Variants in ACSL1 observed in about 807,000 individuals in gnomAD.
ACSL1 encodes the protein acyl-CoA synthetase long chain family member 1.
A neutral mutation model predicts 98.4 loss-of-function variants in ACSL1; 41 were observed. That is an observed-to-expected ratio of 0.42 (90% confidence interval 0.32 to 0.54). The LOEUF is 0.54. ACSL1 is among the 20% of genes least tolerant of loss of function. The pLI, the probability that ACSL1 is intolerant of heterozygous loss-of-function variation, is 0.13. For synonymous variants in ACSL1, 316 were observed against 322.7 expected, an observed-to-expected ratio of 0.98 and a Z score of 0.22; for missense variants, 734 against 883.1, an observed-to-expected ratio of 0.83 and a Z score of 2.14.
At position 184,776,539 on chromosome 4, in the gene ACSL1, A is replaced by T; in HGVS notation, c.701T>A (p.Leu234Gln). ...IVVMDAYGSE[L>Q]VERGQRCGVE... ...CCCACACCTCTGGCCTCGTTCCACCAGTTCACTGCCGTAGGCATCCATGAC... is the reference window on the plus strand; with the variant it reads ...CCCACACCTCTGGCCTCGTTCCACCTGTTCACTGCCGTAGGCATCCATGAC... The change falls in exon 7 of 21, where the codon CTG (leucine) becomes CAG (glutamine). Residue 234 changes from leucine to glutamine, a missense_variant. Leu to Gln is a moderately radical substitution (Grantham distance 113). Coordinates refer to ENST00000281455, the MANE Select transcript of ACSL1 (RefSeq NM_001995.5). 6.2e-7 allele frequency: 1 copy of T among 1,614,196 alleles called. No homozygotes were observed. The highest frequency in any genetic ancestry group is 8.5e-7 in the Non-Finnish European group (1 of 1,179,996).
intron 1 of ACSL1, among the ~76,000 whole-genome samples, chr4:184,811,327 T>C (rs541134268): frequency 2.5e-4 from 38 of 152,138 alleles, no homozygotes; most frequent in African/African-American, 7.2e-4. Flanking sequence ...TTGGCCAGGA[T>C]GGTCTCGATC....
rs759947954 is a variant in ACSL1 at position 184,783,971 on chromosome 4, A to T, written c.331T>A (p.Ser111Thr). The T allele has an allele frequency of 1.2e-6, 2 of 1,613,894 alleles. No individual in the cohort carries two copies. Among genetic ancestry groups the T allele is most frequent in the Non-Finnish European group, 1.7e-6 (2 of 1,179,840 alleles). Residue 111 changes from serine (S) to threonine (T), a missense_variant, in exon 4 of 21, where the codon TCT becomes ACT. Coordinates refer to ENST00000281455, the MANE Select transcript of ACSL1 (RefSeq NM_001995.5). ...TCATAGGGTTGGTCTGGTTTCCGAG[A>T]GCCTAAACAAGGGCCATTATCTAAA... ...QVSNNGPCLGSRKPDQPYEWL... is the reference protein window; with the variant it reads ...QVSNNGPCLGTRKPDQPYEWL...
intron 18 of ACSL1, chr4:184,758,206 A>T (rs1762374794): frequency 3.0e-6 from 1 of 328,644 alleles, no homozygotes; most frequent in Non-Finnish European, 5.6e-6. Context: ...TTATATACTT[A>T]TTTTTTTAAA....
intron 11 of ACSL1, among the ~76,000 whole-genome samples, chr4:184,769,014 G>A (rs1234374976): frequency 6.6e-6 from 1 of 151,748 alleles, no homozygotes; most frequent in Admixed American, 6.6e-5. Flanking sequence ...GATTGCAGTG[G>A]GCTGAGATTG....
intron 11 of ACSL1, among the ~76,000 whole-genome samples, chr4:184,769,068 C>G (rs1185241779): frequency 5.9e-5 from 1 of 17,094 alleles, no homozygotes; most frequent in Non-Finnish European, 1.2e-4. Context: ...GACTCTGTCT[C>G]AAATATATAT....
intron 4 of ACSL1, among the ~76,000 whole-genome samples, chr4:184,781,018 CACTT>C (rs79235784): frequency 0.26 from 39,593 of 151,716 alleles, 5,310 homozygotes; most frequent in Middle Eastern, 0.35. Flanking sequence ...GCAGGCAGAT[CACTT>C]GAGGGAGTTC....
At chr4:184,815,218 G>C (rs912420443) in intron 1 of ACSL1, 6 of 399,556 alleles carry the variant, frequency 1.5e-5, no homozygotes, top group South Asian at 3.5e-5. Context: ...TGAACAGGCA[G>C]AGACAGGAGT....
At chr4:184,779,492 T>C (rs1765871988) in intron 5 of ACSL1, among the ~76,000 whole-genome samples, 1 of 152,202 alleles carries the variant, frequency 6.6e-6, no homozygotes, top group South Asian at 2.1e-4. Flanking sequence ...TTTTACACAC[T>C]GGTTTACAGA....
At chr4:184,811,943 G>A (rs1772156691) in intron 1 of ACSL1, among the ~76,000 whole-genome samples, 1 of 152,118 alleles carries the variant, frequency 6.6e-6, no homozygotes, top group Admixed American at 6.6e-5. Flanking sequence ...AAGAGACACT[G>A]GGAGGAGGAG....
intron 2 of ACSL1, among the ~76,000 whole-genome samples, chr4:184,792,685 C>T (rs1189997783): frequency 6.6e-6 from 1 of 152,164 alleles, no homozygotes; most frequent in African/African-American, 2.4e-5. Context: ...GGGATCCTTC[C>T]GCCTAGGCCT....
chr4:184,804,587 G>GAA (rs56884755), intron 1 of ACSL1, among the ~76,000 whole-genome samples: 3 of 94,202 alleles, frequency 3.2e-5, no homozygotes, highest in Admixed American at 1.1e-4. Context: ...TCTCAAAAAA[G>GAA]AAAAAAAAAA....
chr4:184,777,018 G>A, intron 5 of ACSL1, 35 bp from the exon 6 acceptor site: 2 of 1,553,740 alleles, frequency 1.3e-6, no homozygotes, highest in Non-Finnish European at 1.8e-6. Context: ...AGAGAAAACA[G>A]GATGTCATCA....
chr4:184,773,024 A>G lies in ACSL1; in HGVS notation c.915+57T>C. 6.5e-7 allele frequency: 1 copy of G among 1,539,814 alleles called. No individual in the cohort carries two copies. Among genetic ancestry groups the G allele is most frequent in the Non-Finnish European group, 9.0e-7 (1 of 1,114,818 alleles). On this transcript the variant is annotated intron_variant, in intron 10 of 20. Transcript: ENST00000281455. This position sits in a 1 kb window ranked among gnomAD's most constrained non-coding sequence, Gnocchi z 4.3. Reference sequence around the variant, plus strand: ...ACTGGTGCCCACCTTCAGCACTTTCATTCTCAAGGACTAATGTCAATCAAT... The same window carrying G: ...ACTGGTGCCCACCTTCAGCACTTTCGTTCTCAAGGACTAATGTCAATCAAT...
intron 7 of ACSL1, 130 bp from the exon 8 acceptor site, chr4:184,774,005 T>A (rs992467376): frequency 2.7e-5 from 26 of 961,318 alleles, no homozygotes; most frequent in Non-Finnish European, 3.8e-5. Flanking sequence ...ACAGCATAAT[T>A]TTCTAATTAA....
At chr4:184,769,067 TCAAA>T (rs1450097379) in intron 11 of ACSL1, among the ~76,000 whole-genome samples, 1 of 24,122 alleles carries the variant, frequency 4.1e-5, no homozygotes, top group Non-Finnish European at 8.3e-5. Context: ...AGACTCTGTC[TCAAA>T]TATATATATA....
intron 1 of ACSL1, chr4:184,805,648 G>T: frequency 3.0e-6 from 1 of 328,156 alleles, no homozygotes; most frequent in Non-Finnish European, 4.4e-6. Context: ...GCCTACCAAG[G>T]TCTCTCAGGG....
intron 4 of ACSL1, among the ~76,000 whole-genome samples, chr4:184,781,230 A>C (rs971336673): frequency 3.2e-4 from 1 of 3,156 alleles, no homozygotes; most frequent in African/African-American, 1.1e-3. Flanking sequence ...ACTCCATCTC[A>C]AAAAAAAAAA....
At chr4:184,769,093 A>ATATATG (rs1387914030) in intron 11 of ACSL1, among the ~76,000 whole-genome samples, 7 of 135,320 alleles carry the variant, frequency 5.2e-5, no homozygotes, top group Non-Finnish European at 9.8e-5. Flanking sequence ...ATATATATAT[A>ATATATG]TAGCCTTCCA....
rs111637095 is a variant in ACSL1, at chr4:184,766,898, G to A, written c.1129-142C>T. On this transcript the variant is annotated intron_variant, in intron 12 of 20. Transcript: ENST00000281455. This position sits in a 1 kb window ranked among gnomAD's most constrained non-coding sequence, Gnocchi z 4.8. ...CTGACAGCCTGGCCGGTCCTCTAACGGCCCCACATGGTCAGCACAGGACAG... is the reference window on the plus strand; with the variant it reads ...CTGACAGCCTGGCCGGTCCTCTAACAGCCCCACATGGTCAGCACAGGACAG... The A allele has an allele frequency of 1.8e-5, 16 of 908,294 alleles. No homozygotes were observed. Among genetic ancestry groups the A allele is most frequent in the Non-Finnish European group, 2.1e-5 (13 of 614,904 alleles). 56.3% of individuals were successfully genotyped at this position (908,294 alleles called of 1,614,324 possible). A position where few individuals can be genotyped will look rare whatever the true frequency, so the allele number is the denominator to read the frequency against.
Sources: allele counts gnomAD v4.1 joint callset (sites outside exome capture counted in the v4.1 genomes callset), GRCh38; gene constraint gnomAD v4.1.1; non-coding constraint Gnocchi (gnomAD v3.1); transcripts MANE v1.5; gene names NCBI Gene and HGNC (gene_info 2026-07-23, HGNC 2026-07-21).